KLHL1: variants seen among roughly 807,000 people sequenced by gnomAD.
The protein encoded by KLHL1 is kelch-like protein 1.
KLHL1 carries 47 observed loss-of-function variants against 77.7 expected under a neutral mutation model. The ratio of observed to expected loss-of-function variants is 0.60; its 90% CI spans 0.48 to 0.77. The LOEUF (loss-of-function observed/expected upper bound fraction) is 0.77, where lower values mean the gene tolerates loss of function less well. Ranked by LOEUF, KLHL1 falls within the 30% of genes least tolerant of loss-of-function variation. KLHL1 has a pLI of 0.00. For missense variants in KLHL1, 925 were observed against 910.8 expected (o/e 1.02, Z -0.20); for synonymous variants, 360 against 325.2 (o/e 1.11, Z -1.15).
chr13:69,720,112 A>T (rs1339564855), intron 8 of KLHL1, among the ~76,000 whole-genome samples: 1 of 152,138 alleles, frequency 6.6e-6, no homozygotes, highest in South Asian at 2.1e-4. Context: ...CCTATACTAT[A>T]GCTAAAAACA....
chr13:69,984,319 A>T (rs956428901), intron 1 of KLHL1, among the ~76,000 whole-genome samples: 1 of 152,158 alleles, frequency 6.6e-6, no homozygotes, highest in Non-Finnish European at 1.5e-5. Flanking sequence ...AGCAAACTGG[A>T]ATCTTGCACA....
chr13:70,032,547 G>A (rs1162950703), intron 1 of KLHL1, among the ~76,000 whole-genome samples: 1 of 152,144 alleles, frequency 6.6e-6, no homozygotes, highest in Non-Finnish European at 1.5e-5. Context: ...AAAGTTCCCT[G>A]TAAAATATTA....
chr13:69,947,735 A>T (rs1402981270), intron 3 of KLHL1, among the ~76,000 whole-genome samples: 1 of 152,170 alleles, frequency 6.6e-6, no homozygotes, highest in African/African-American at 2.4e-5. Flanking sequence ...CAGAAGTCAC[A>T]AATGGAATAT....
intron 1 of KLHL1, among the ~76,000 whole-genome samples, chr13:69,983,592 G>GAAT: frequency 2.0e-5 from 2 of 100,564 alleles, no homozygotes; most frequent in African/African-American, 5.4e-5. Flanking sequence ...AAAAAAAAAA[G>GAAT]AAGAAGAAGA....
chr13:69,934,962 G>GCATATATATATATATA, intron 4 of KLHL1, among the ~76,000 whole-genome samples: 1 of 129,800 alleles, frequency 7.7e-6, no homozygotes, highest in East Asian at 2.7e-4. Flanking sequence ...GTGTGCATGT[G>GCATATATATATATATA]TATATATATA....
At chr13:69,881,746 A>AATT (rs10676959) in intron 5 of KLHL1, among the ~76,000 whole-genome samples, 8,717 of 152,204 alleles carry the variant, frequency 0.057, 631 homozygotes, top group African/African-American at 0.17. Flanking sequence ...TCTTAACTCC[A>AATT]ATTACATATT....
intron 6 of KLHL1, among the ~76,000 whole-genome samples, chr13:69,824,222 G>A (rs7323643): frequency 0.011 from 1,705 of 151,948 alleles, 29 homozygotes; most frequent in African/African-American, 0.038. Context: ...AAAATTTCCC[G>A]AAAGTCCAGG....
At chr13:69,852,124 G>T (rs1356487799) in intron 5 of KLHL1, among the ~76,000 whole-genome samples, 1 of 151,858 alleles carries the variant, frequency 6.6e-6, no homozygotes, top group Non-Finnish European at 1.5e-5. Context: ...AGAGACAAGA[G>T]TAAGCACGCA....
At chr13:69,780,717 T>TAC (rs1566243796) in intron 7 of KLHL1, among the ~76,000 whole-genome samples, 5 of 35,476 alleles carry the variant, frequency 1.4e-4, no homozygotes, top group African/African-American at 5.1e-4. Flanking sequence ...TATATATATG[T>TAC]ATATATATAT....
intron 5 of KLHL1, among the ~76,000 whole-genome samples, chr13:69,851,044 A>G (rs1490494726): frequency 6.6e-6 from 1 of 151,654 alleles, no homozygotes; most frequent in Non-Finnish European, 1.5e-5. Flanking sequence ...AATTTCTTCA[A>G]TTCACAATTT....
At chr13:69,813,191 G>A (rs1877963104) in intron 6 of KLHL1, among the ~76,000 whole-genome samples, 1 of 152,000 alleles carries the variant, frequency 6.6e-6, no homozygotes, top group Non-Finnish European at 1.5e-5. Context: ...GGATGAAGCT[G>A]GAAACCATCA....
chr13:69,719,296 C>A, intron 9 of KLHL1, 73 bp downstream of exon 9: 1 of 1,318,108 alleles, frequency 7.6e-7, no homozygotes, highest in Non-Finnish European at 1.1e-6. Context: ...TGCAATTTTT[C>A]CAATCACTTG....
At chr13:69,960,943 ATT>A (rs1241450475) in intron 3 of KLHL1, among the ~76,000 whole-genome samples, 1 of 152,038 alleles carries the variant, frequency 6.6e-6, no homozygotes, top group Non-Finnish European at 1.5e-5. Context: ...GGAAAAAGTT[ATT>A]TGAACCCATC....
intron 7 of KLHL1, among the ~76,000 whole-genome samples, chr13:69,791,718 A>C (rs556091755): frequency 3.9e-5 from 6 of 152,312 alleles, no homozygotes; most frequent in Admixed American, 6.5e-5. Context: ...CAAGGACAGC[A>C]TGCAAAAGAA....
chr13:70,049,108 A>G (rs1593702577), intron 1 of KLHL1, among the ~76,000 whole-genome samples: 1 of 152,244 alleles, frequency 6.6e-6, no homozygotes, highest in East Asian at 1.9e-4. Context: ...TTTAGAAAAT[A>G]CTTTTTTAAC....
At chr13:69,854,632 T>G (rs958011871) in intron 5 of KLHL1, among the ~76,000 whole-genome samples, 2 of 152,088 alleles carry the variant, frequency 1.3e-5, no homozygotes, top group East Asian at 3.9e-4. Flanking sequence ...ATTATTCCTA[T>G]GCATAATGTT....
At chr13:69,779,645 C>T (rs1188719209) in intron 7 of KLHL1, among the ~76,000 whole-genome samples, 2 of 151,812 alleles carry the variant, frequency 1.3e-5, no homozygotes, top group Non-Finnish European at 2.9e-5. Flanking sequence ...ATTGTAAACA[C>T]ATATGTCTAT....
chr13:69,989,353 C>A (rs1202088005), intron 1 of KLHL1, among the ~76,000 whole-genome samples: 1 of 151,974 alleles, frequency 6.6e-6, no homozygotes, highest in African/African-American at 2.4e-5. Context: ...GTTTTGCTTA[C>A]TGTAGCATTG....
intron 3 of KLHL1, among the ~76,000 whole-genome samples, chr13:69,955,879 T>TTA (rs564124542): frequency 5.6e-5 from 8 of 141,638 alleles, no homozygotes; most frequent in Non-Finnish European, 1.1e-4. Context: ...ATATATATAT[T>TTA]TATATATATA....
Sources: gnomAD v4.1 joint callset for allele counts (sites outside exome capture counted in the v4.1 genomes callset) on GRCh38, gnomAD v4.1.1 for gene constraint, MANE v1.5 for transcripts, NCBI Gene and HGNC (gene_info 2026-07-23, HGNC 2026-07-21) for gene names.